The following HMGN1 variants were observed in gnomAD, a reference collection of about 807,000 sequenced individuals.
HMGN1 encodes non-histone chromosomal protein HMG-14.
A neutral mutation model predicts 18.4 loss-of-function variants in HMGN1; 9 were observed. That is an observed-to-expected ratio of 0.49 (90% confidence interval 0.29 to 0.85). The LOEUF (loss-of-function observed/expected upper bound fraction) is 0.85, where lower values mean the gene tolerates loss of function less well. Ranked by LOEUF, HMGN1 falls within the 40% of genes least tolerant of loss-of-function variation. The pLI, the probability that HMGN1 is intolerant of heterozygous loss-of-function variation, is 0.07. For synonymous variants in HMGN1, 59 were observed against 45.0 expected (o/e 1.31, Z -1.24); for missense variants, 151 against 119.2 (o/e 1.27, Z -1.24).
intron 4 of HMGN1, chr21:39,348,041 G>A: frequency 9.3e-7 from 1 of 1,073,410 alleles, no homozygotes; most frequent in Non-Finnish European, 1.3e-6. Flanking sequence ...AATTTCCTTT[G>A]TAGACTTAAT....
Position 39,348,908 on chromosome 21 carries a change from T to C in HMGN1, c.10A>G (p.Arg4Gly). The C allele has an allele frequency of 8.5e-7, 1 of 1,174,518 alleles. No homozygotes were observed. The highest frequency in any genetic ancestry group is 3.7e-5 in the East Asian group (1 of 27,284). 72.8% of individuals were successfully genotyped at this position (1,174,518 alleles called of 1,614,324 possible). A position where few individuals can be genotyped will look rare whatever the true frequency, so the allele number is the denominator to read the frequency against. Residue 4 changes from arginine (R) to glycine (G), a missense_variant, in exon 1 of 6, where the codon AGG becomes GGG. Physicochemically the swap from Arg to Gly is moderately radical, Grantham distance 125. Coordinates refer to ENST00000380749, the MANE Select transcript of HMGN1 (RefSeq NM_004965.7). MPK[R>G]KVSSAEGAAK... ...GGGCCGCGGCCGCCGCTCACCTTCCTCTTGGGCATCGTGGCGGCGGGGAAG... is the reference window on the plus strand; with the variant it reads ...GGGCCGCGGCCGCCGCTCACCTTCCCCTTGGGCATCGTGGCGGCGGGGAAG...
intron 4 of HMGN1, chr21:39,346,769 T>A (rs902290717): frequency 2.0e-5 from 3 of 152,198 alleles, no homozygotes; most frequent in Non-Finnish European, 2.9e-5. Flanking sequence ...AAGTCAAAGG[T>A]GTATTACAGA....
At chr21:39,345,787 ACT>A (rs2037030667) in intron 4 of HMGN1, 1 of 1,289,194 alleles carries the variant, frequency 7.8e-7, no homozygotes. Context: ...CTTCAACAAT[ACT>A]GTCCTCACAA....
chr21:39,348,499 C>A (rs756521159), intron 2 of HMGN1, 46 bp downstream of exon 2: 14 of 1,613,898 alleles, frequency 8.7e-6, no homozygotes, highest in Admixed American at 1.7e-5. Flanking sequence ...GGCAGGCCAG[C>A]GGCTCACGGG....
chr21:39,345,367 T>C, intron 4 of HMGN1, 93 bp from the exon 5 acceptor site: 1 of 1,221,606 alleles, frequency 8.2e-7, no homozygotes, highest in Non-Finnish European at 1.2e-6. Flanking sequence ...ACAAGTAATG[T>C]GCCCAGTGGT....
chr21:39,343,601 G>GT (rs1172830658), intron 5 of HMGN1, among the ~76,000 whole-genome samples: 2 of 152,190 alleles, frequency 1.3e-5, no homozygotes, highest in Non-Finnish European at 2.9e-5. Context: ...CACAGAGAAC[G>GT]TATGTGTTGG....
intron 5 of HMGN1, among the ~76,000 whole-genome samples, chr21:39,343,538 C>CT: frequency 6.6e-6 from 1 of 152,334 alleles, no homozygotes; most frequent in South Asian, 2.1e-4. Flanking sequence ...GGCCCCCACG[C>CT]ATCTTGTTCA....
rs752319657 is a variant in HMGN1 at position 39,348,313 on chromosome 21, C to T, written c.105G>A (p.Lys35=). 7 of 1,614,198 alleles carry T rather than the reference C, an allele frequency of 4.3e-6. No homozygotes were observed. Among genetic ancestry groups the T allele is most frequent in the Middle Eastern group, 1.6e-4 (1 of 6,062 alleles). Residue 35 remains lysine (K), a synonymous_variant, in exon 4 of 6, where the codon AAG becomes AAA. Transcript: ENST00000380749. ...SAKPPAKVEA[K]PKKAAAKDKS... ...TTACCTTCGCTGCTGCCTTTTTCGG[C>T]TTCGCTTCCACTTTTGCAGGAGGTT...
chr21:39,348,490 G>C, intron 2 of HMGN1, 39 bp from the exon 3 acceptor site: 1 of 1,614,100 alleles, frequency 6.2e-7, no homozygotes, highest in Non-Finnish European at 8.5e-7. Context: ...AGAAGAGAAG[G>C]CAGGCCAGCG....
Position 39,348,434 on chromosome 21 carries a change from C to T in HMGN1, c.66G>A (p.Ala22=). 1.2e-6 allele frequency: 2 copies of T among 1,614,158 alleles called. No homozygotes were observed. The highest frequency in any genetic ancestry group is 1.7e-6 in the Non-Finnish European group (2 of 1,180,034). Residue 22 remains alanine (A), a synonymous_variant, in exon 3 of 6, where the codon GCG becomes GCA. Transcript: ENST00000380749. ...AAKEEPKRRS[A]RLSAKPPAKV... ...TCGCTTTACTTACAGCTGACAACCG[C>T]GCCGATCTCCTCTTGGGCTTGGAGA...
At chr21:39,343,500 T>G (rs1377052318) in intron 5 of HMGN1, among the ~76,000 whole-genome samples, 1 of 152,226 alleles carries the variant, frequency 6.6e-6, no homozygotes, top group Non-Finnish European at 1.5e-5. Flanking sequence ...CCTTTGTGCT[T>G]TTTACTGATG....
At chr21:39,348,513 C>T (rs754200486) in intron 2 of HMGN1, 32 bp downstream of exon 2, 11 of 1,613,692 alleles carry the variant, frequency 6.8e-6, no homozygotes, top group South Asian at 3.3e-5. Context: ...TCACGGGAAA[C>T]CCACCACCCC....
At chr21:39,343,257 T>G in intron 5 of HMGN1, 98 bp from the exon 6 acceptor site, 2 of 1,192,826 alleles carry the variant, frequency 1.7e-6, no homozygotes, top group Non-Finnish European at 2.4e-6. Flanking sequence ...TAACCTTTGT[T>G]ATTTGTAAAG....
intron 4 of HMGN1, chr21:39,346,018 A>C (rs2037040371): frequency 9.0e-7 from 1 of 1,109,938 alleles, no homozygotes; most frequent in Non-Finnish European, 1.2e-6. Flanking sequence ...TCAAAATTTA[A>C]GCCATGTTAA....
chr21:39,347,693 C>G (rs1206934396), intron 4 of HMGN1: 1 of 296,318 alleles, frequency 3.4e-6, no homozygotes, highest in African/African-American at 2.2e-5. Flanking sequence ...ACACGTACAC[C>G]CAAAGCCAAC....
At chr21:39,348,649 A>G in intron 1 of HMGN1, 72 bp from the exon 2 acceptor site, 2 of 1,491,170 alleles carry the variant, frequency 1.3e-6, no homozygotes, top group Admixed American at 2.5e-5. Context: ...CGGCCCCGAG[A>G]ACAATGCCCG....
chr21:39,348,394 G>A (rs769961075), intron 3 of HMGN1, 28 bp downstream of exon 3: 1 of 1,614,168 alleles, frequency 6.2e-7, no homozygotes, highest in South Asian at 1.1e-5. Flanking sequence ...CGCGGAAAAC[G>A]AACGGTTACG....
intron 4 of HMGN1, chr21:39,347,497 G>A (rs1420987711): frequency 1.6e-5 from 19 of 1,217,820 alleles, no homozygotes; most frequent in South Asian, 2.5e-5. Flanking sequence ...TTAGGAAAGA[G>A]GTGAAGGCAT....
intron 4 of HMGN1, chr21:39,345,752 C>T: frequency 2.7e-6 from 3 of 1,123,818 alleles, no homozygotes; most frequent in Non-Finnish European, 3.6e-6. Flanking sequence ...ACCGTATTCC[C>T]ACCCATCCCC....
Sources: allele counts gnomAD v4.1 joint callset (sites outside exome capture counted in the v4.1 genomes callset), GRCh38; gene constraint gnomAD v4.1.1; transcripts MANE v1.5; gene names NCBI Gene and HGNC (gene_info 2026-07-23, HGNC 2026-07-21).